Variants in DMD observed in about 807,000 individuals in gnomAD.
DMD encodes dystrophin.
Under a neutral mutation model 330.1 loss-of-function variants are expected in DMD, and 63 were observed. The ratio of observed to expected loss-of-function variants is 0.19; its 90% CI spans 0.16 to 0.24. The LOEUF (loss-of-function observed/expected upper bound fraction) is 0.24. Among genes scored for constraint, DMD ranks in the 10% least tolerant of loss-of-function variants. The probability of loss-of-function intolerance (pLI) is 1.00; values close to 1 mark genes in which losing one functional copy is unlikely to be tolerated. For missense variants in DMD, 3,344 were observed against 2,684.1 expected (o/e 1.25, Z -5.43); for synonymous variants, 1,223 against 959.8 (o/e 1.27, Z -5.07).
intron 39 of DMD, among the ~76,000 whole-genome samples, chrX:32,344,776 G>A (rs774329371): frequency 3.7e-4 from 41 of 111,780 alleles, no homozygotes; most frequent in African/African-American, 1.3e-3. Context: ...CTATTCAGTA[G>A]GACACACACC....
At chrX:31,746,348 G>A (rs2087836152) in intron 51 of DMD, among the ~76,000 whole-genome samples, 2 of 111,573 alleles carry the variant, frequency 1.8e-5, no homozygotes, top group East Asian at 5.7e-4. Context: ...CTCTTCTGCT[G>A]TCTTCACATG....
At chrX:32,693,737 G>C (rs2063450283) in intron 9 of DMD, among the ~76,000 whole-genome samples, 1 of 112,042 alleles carries the variant, frequency 8.9e-6, no homozygotes, top group African/African-American at 3.3e-5. Flanking sequence ...ACTACACCCA[G>C]CTCGCGGTGT....
chrX:31,174,224 T>G (rs372571312), intron 71 of DMD, among the ~76,000 whole-genome samples: 1 of 111,713 alleles, frequency 9.0e-6, no homozygotes. Flanking sequence ...TTGTGAGGTT[T>G]TAAAAAAGAA....
intron 43 of DMD, among the ~76,000 whole-genome samples, chrX:32,242,539 C>A (rs2148074734): frequency 9.0e-6 from 1 of 111,366 alleles, no homozygotes; most frequent in Admixed American, 9.6e-5. Flanking sequence ...AATGGAAGCA[C>A]TAGAAGGGAA....
At chrX:31,178,846 T>C (rs2040840312) in intron 69 of DMD, 41 bp from the exon 70 acceptor site, 1 of 1,197,311 alleles carries the variant, frequency 8.4e-7, no homozygotes, top group Non-Finnish European at 1.1e-6. Context: ...TAGGACAGGA[T>C]GATTTCAAAA....
intron 19 of DMD, among the ~76,000 whole-genome samples, chrX:32,499,739 T>C: frequency 9.0e-6 from 1 of 111,191 alleles, no homozygotes; most frequent in Non-Finnish European, 1.9e-5. Flanking sequence ...CACTCAACTG[T>C]ACTTTTGGGC....
At chrX:31,452,556 C>G (rs1334543163) in intron 59 of DMD, among the ~76,000 whole-genome samples, 2 of 111,900 alleles carry the variant, frequency 1.8e-5, no homozygotes, top group African/African-American at 6.5e-5. Flanking sequence ...GCACTCCAGC[C>G]TGGGCAACAA....
At chrX:32,494,567 C>T (rs964295446) in intron 19 of DMD, among the ~76,000 whole-genome samples, 1 of 110,776 alleles carries the variant, frequency 9.0e-6, no homozygotes, top group African/African-American at 3.3e-5. Context: ...TAGAATCGAC[C>T]TCATAGGATA....
intron 18 of DMD, among the ~76,000 whole-genome samples, chrX:32,504,380 T>C (rs377329372): frequency 9.0e-6 from 1 of 111,377 alleles, no homozygotes. Flanking sequence ...TCCCAGCACT[T>C]TGGGGGGCCA....
At chrX:32,057,236 C>T (rs751910946) in intron 44 of DMD, among the ~76,000 whole-genome samples, 1 of 111,657 alleles carries the variant, frequency 9.0e-6, no homozygotes, top group African/African-American at 3.2e-5. Flanking sequence ...TTTGCCACTT[C>T]TTTTCAAAAT....
chrX:32,588,286 A>G (rs2054513375), intron 13 of DMD, among the ~76,000 whole-genome samples: 2 of 112,267 alleles, frequency 1.8e-5, no homozygotes, highest in African/African-American at 6.5e-5. Flanking sequence ...GGGTACAGAC[A>G]TGGCACAAAG....
chrX:32,772,571 G>A (rs1666993963), intron 7 of DMD, among the ~76,000 whole-genome samples: 1 of 112,001 alleles, frequency 8.9e-6, no homozygotes, highest in Admixed American at 9.5e-5. Context: ...AGGTAGCAGA[G>A]CTAGGATTCA....
At chrX:31,532,049 G>C (rs1158173426) in intron 55 of DMD, among the ~76,000 whole-genome samples, 1 of 83,906 alleles carries the variant, frequency 1.2e-5, no homozygotes, top group African/African-American at 4.8e-5. Context: ...GAACCAAGTT[G>C]GAAAACACTC....
chrX:32,595,905 T>A (rs1569274432), intron 12 of DMD, 29 bp from the exon 13 acceptor site: 1 of 1,127,925 alleles, frequency 8.9e-7, no homozygotes, highest in East Asian at 3.0e-5. Flanking sequence ...TAAAGGAAAT[T>A]AAAATGATAT....
At chrX:31,156,633 G>C (rs2038151892) in intron 74 of DMD, among the ~76,000 whole-genome samples, 1 of 112,122 alleles carries the variant, frequency 8.9e-6, no homozygotes, top group Non-Finnish European at 1.9e-5. Context: ...CATTCTATAT[G>C]TCAAACTTTC....
intron 23 of DMD, among the ~76,000 whole-genome samples, chrX:32,465,760 G>A (rs1366897969): frequency 1.8e-5 from 2 of 108,902 alleles, no homozygotes; most frequent in Non-Finnish European, 3.8e-5. Context: ...TAATTTTTGT[G>A]TTTTTAGTAG....
intron 2 of DMD, among the ~76,000 whole-genome samples, chrX:32,871,366 C>T (rs754048511): frequency 7.1e-4 from 79 of 111,348 alleles, no homozygotes; most frequent in African/African-American, 2.2e-3. Flanking sequence ...CTCCTTCCCC[C>T]GCCCTCCCCA....
At chrX:32,576,436 C>T (rs1234070537) in intron 13 of DMD, among the ~76,000 whole-genome samples, 2 of 109,916 alleles carry the variant, frequency 1.8e-5, no homozygotes, top group Non-Finnish European at 3.8e-5. Context: ...CTAAGTAAAA[C>T]TAGGGTGACT....
intron 2 of DMD, among the ~76,000 whole-genome samples, chrX:32,957,274 G>C (rs186419867): frequency 4.2e-4 from 47 of 111,447 alleles, no homozygotes; most frequent in Non-Finnish European, 7.4e-4. Context: ...AGAGGGGAAT[G>C]CTAACTTAAG....
Sources: gnomAD v4.1 joint callset for allele counts (sites outside exome capture counted in the v4.1 genomes callset) on GRCh38, gnomAD v4.1.1 for gene constraint, MANE v1.5 for transcripts, NCBI Gene and HGNC (gene_info 2026-07-23, HGNC 2026-07-21) for gene names.